SLC68A1: variants seen among roughly 807,000 people sequenced by gnomAD.
The protein encoded by SLC68A1 is solute carrier family 68 member 1.
chr10:102,473,657 T>C, the SLC68A1 span: 2 of 1,613,986 alleles, frequency 1.2e-6, no homozygotes, highest in Non-Finnish European at 1.7e-6. Context: ...GTGCGGGGGC[T>C]CTTCCTGCTC....
the SLC68A1 span, chr10:102,471,360 G>A: frequency 6.2e-7 from 1 of 1,613,614 alleles, no homozygotes; most frequent in Non-Finnish European, 8.5e-7. Flanking sequence ...CACGCCATCG[G>A]AACTTCCTGT....
At chr10:102,463,643 G>C in the SLC68A1 span, among the ~76,000 whole-genome samples, 3 of 152,118 alleles carry the variant, frequency 2.0e-5, no homozygotes, top group Admixed American at 6.6e-5. Flanking sequence ...GGATGATGAA[G>C]TGAGAACGCT....
At chr10:102,475,773 C>A in the SLC68A1 span, 1 of 1,613,890 alleles carries the variant, frequency 6.2e-7, no homozygotes. Flanking sequence ...AGTGCCCATC[C>A]CTGGCCAGAG....
the SLC68A1 span, among the ~76,000 whole-genome samples, chr10:102,475,224 A>AGGCC: frequency 1.3e-5 from 2 of 151,794 alleles, no homozygotes; most frequent in Non-Finnish European, 2.9e-5. Flanking sequence ...TGAAACTGGG[A>AGGCC]GGCCGAGGTT....
chr10:102,471,580 C>A, the SLC68A1 span, among the ~76,000 whole-genome samples: 5 of 151,894 alleles, frequency 3.3e-5, no homozygotes, highest in Non-Finnish European at 7.4e-5. Flanking sequence ...GCTAACATGG[C>A]GAAACCCCAT....
chr10:102,461,839 C>A, the SLC68A1 span: 1 of 152,344 alleles, frequency 6.6e-6, no homozygotes, highest in African/African-American at 2.4e-5. Flanking sequence ...CGATGCTGGG[C>A]CCGCCCGAAG....
the SLC68A1 span, chr10:102,476,052 G>GT: frequency 0.014 from 9,722 of 683,364 alleles, 4 homozygotes; most frequent in Middle Eastern, 0.02. Flanking sequence ...GTTTTTTTTG[G>GT]TTTTTTTTTT....
chr10:102,466,675 C>T, the SLC68A1 span, among the ~76,000 whole-genome samples: 1 of 152,002 alleles, frequency 6.6e-6, no homozygotes, highest in African/African-American at 2.4e-5. Flanking sequence ...TTCTTCTACC[C>T]AGTGTGGGTG....
chr10:102,472,116 T>A, the SLC68A1 span: 1 of 444,476 alleles, frequency 2.2e-6, no homozygotes, highest in Admixed American at 2.4e-5. Context: ...TGAGTTATGA[T>A]TGCACCACTG....
the SLC68A1 span, chr10:102,474,074 A>G: frequency 1.4e-6 from 2 of 1,473,826 alleles, no homozygotes; most frequent in Non-Finnish European, 1.8e-6. Context: ...TACCTGGCAC[A>G]GTGGCTGGCA....
the SLC68A1 span, among the ~76,000 whole-genome samples, chr10:102,471,806 G>A: frequency 2.0e-5 from 3 of 151,688 alleles, no homozygotes; most frequent in East Asian, 5.8e-4. Context: ...GGCCACCCAG[G>A]AGGTCTGCTG....
the SLC68A1 span, among the ~76,000 whole-genome samples, chr10:102,463,021 G>A: frequency 6.6e-6 from 1 of 152,132 alleles, no homozygotes; most frequent in Non-Finnish European, 1.5e-5. Context: ...GTTTTCCTAT[G>A]ACTGCTGCTG....
At chr10:102,465,789 G>C in the SLC68A1 span, among the ~76,000 whole-genome samples, 2 of 152,190 alleles carry the variant, frequency 1.3e-5, no homozygotes, top group African/African-American at 4.8e-5. Flanking sequence ...GTGGGAGAAG[G>C]CTGTTTCCCG....
the SLC68A1 span, chr10:102,470,035 G>T: frequency 2.5e-6 from 4 of 1,614,054 alleles, no homozygotes; most frequent in East Asian, 2.2e-5. Context: ...CCCCCTCTTC[G>T]GTTGGCTCAG....
chr10:102,473,505 C>T, the SLC68A1 span: 1 of 1,496,496 alleles, frequency 6.7e-7, no homozygotes, highest in Non-Finnish European at 9.0e-7. Flanking sequence ...GGCTGTGAAG[C>T]TGATGGCGCT....
At chr10:102,469,550 TTG>T in the SLC68A1 span, among the ~76,000 whole-genome samples, 4 of 112,098 alleles carry the variant, frequency 3.6e-5, 1 homozygote, top group African/African-American at 1.2e-4. Context: ...GTAGGTTTTT[TTG>T]TTTTTTTTTT....
At chr10:102,475,910 A>T in the SLC68A1 span, 5 of 1,613,660 alleles carry the variant, frequency 3.1e-6, no homozygotes, top group African/African-American at 6.7e-5. Flanking sequence ...GCTGCATGGG[A>T]GACGCCTGCA....
chr10:102,472,838 C>G, the SLC68A1 span: 2 of 1,608,024 alleles, frequency 1.2e-6, no homozygotes, highest in Non-Finnish European at 1.7e-6. Context: ...TCCTCACCAT[C>G]CCTGTCGGGT....
chr10:102,474,085 A>G, the SLC68A1 span: 2 of 1,455,184 alleles, frequency 1.4e-6, no homozygotes, highest in South Asian at 2.7e-5. Context: ...GTGGCTGGCA[A>G]GCCTGGGCTC....
Sources: allele counts gnomAD v4.1 joint callset (sites outside exome capture counted in the v4.1 genomes callset), GRCh38; gene constraint gnomAD v4.1.1; transcripts MANE v1.5; gene names NCBI Gene and HGNC (gene_info 2026-07-23, HGNC 2026-07-21).